Variants in CSMD1 observed in about 807,000 individuals in gnomAD.
The protein encoded by CSMD1 is CUB and sushi domain-containing protein 1.
Under a neutral mutation model 417.5 loss-of-function variants are expected in CSMD1, and 213 were observed. The observed-to-expected ratio is 0.51, with a 90% CI of 0.46 to 0.57. The LOEUF (loss-of-function observed/expected upper bound fraction) is 0.57. CSMD1 is among the 20% of genes least tolerant of loss of function. The pLI is 0.00. For missense variants in CSMD1, 6,923 were observed against 4,529.7 expected (o/e 1.53, Z -15.17); for synonymous variants, 2,862 against 1,736.8 (o/e 1.65, Z -16.11).
At chr8:3,973,415 G>C (rs528959997) in intron 5 of CSMD1, among the ~76,000 whole-genome samples, 1 of 152,272 alleles carries the variant, frequency 6.6e-6, no homozygotes, top group East Asian at 1.9e-4. Flanking sequence ...CACCCTACTA[G>C]TGAAGTTTAT....
At chr8:3,155,626 C>G (rs1225642470) in intron 39 of CSMD1, among the ~76,000 whole-genome samples, 1 of 151,698 alleles carries the variant, frequency 6.6e-6, no homozygotes, top group Non-Finnish European at 1.5e-5. Flanking sequence ...CTCAGCCTCC[C>G]AAAGTGCTGG....
intron 38 of CSMD1, among the ~76,000 whole-genome samples, chr8:3,160,596 C>T (rs1393953739): frequency 6.6e-6 from 1 of 152,140 alleles, no homozygotes; most frequent in African/African-American, 2.4e-5. Flanking sequence ...AATCTTTTTG[C>T]AGAGTTACAA....
intron 4 of CSMD1, among the ~76,000 whole-genome samples, chr8:4,014,594 C>A (rs1194106032): frequency 6.6e-6 from 1 of 152,158 alleles, no homozygotes; most frequent in Non-Finnish European, 1.5e-5. Context: ...TTTATCACTC[C>A]TGTGAGATTA....
At chr8:2,983,322 T>A (rs113676975) in intron 54 of CSMD1, among the ~76,000 whole-genome samples, 2 of 151,856 alleles carry the variant, frequency 1.3e-5, no homozygotes, top group Non-Finnish European at 2.9e-5. Context: ...GAGTAGCTGG[T>A]ACTACAGGCA....
intron 30 of CSMD1, among the ~76,000 whole-genome samples, chr8:3,212,255 C>T (rs1797654854): frequency 6.6e-6 from 1 of 152,126 alleles, no homozygotes; most frequent in Non-Finnish European, 1.5e-5. Context: ...AAAAGTCTCC[C>T]AAAGCAAGTA....
At chr8:4,498,770 G>A (rs751205696) in intron 2 of CSMD1, among the ~76,000 whole-genome samples, 4 of 152,108 alleles carry the variant, frequency 2.6e-5, no homozygotes, top group African/African-American at 9.7e-5. Context: ...TTTTATAGAA[G>A]AGGATGTTGG....
chr8:4,096,968 G>T (rs925171072), intron 3 of CSMD1, among the ~76,000 whole-genome samples: 36 of 152,156 alleles, frequency 2.4e-4, no homozygotes, highest in African/African-American at 6.5e-4. Flanking sequence ...GTGAGCCAGT[G>T]AGTAAATTCA....
In CSMD1 at chr8:4,871,458, A is replaced by G. The variant is rs141633726; in HGVS notation, c.85+122874T>C. On this transcript the variant is annotated intron_variant, in intron 1 of 69. Transcript: ENST00000635120. Reference sequence around the variant, plus strand: ...GCAATTCCCGCTGAGCCACATAAAGAAAGATGCGTGTGAATATAATCAAGT... The same window carrying G: ...GCAATTCCCGCTGAGCCACATAAAGGAAGATGCGTGTGAATATAATCAAGT... Among the ~76,000 whole-genome samples the G allele has an allele frequency of 2.3e-3, 349 of 152,228 alleles. 8 individuals are homozygous for G. The highest frequency in any genetic ancestry group is 8.2e-3 in the African/African-American group (340 of 41,494).
At chr8:4,081,960 C>T (rs1023554890) in intron 3 of CSMD1, among the ~76,000 whole-genome samples, 2 of 151,878 alleles carry the variant, frequency 1.3e-5, no homozygotes, top group Admixed American at 6.6e-5. Flanking sequence ...CATATAAACT[C>T]AATTATTTAA....
intron 3 of CSMD1, among the ~76,000 whole-genome samples, chr8:4,117,654 T>A (rs1443411266): frequency 6.6e-6 from 1 of 152,204 alleles, no homozygotes; most frequent in African/African-American, 2.4e-5. Flanking sequence ...CCCGCACTTC[T>A]GGGTGCCAAA....
chr8:4,732,573 G>C (rs1462684973), intron 1 of CSMD1, among the ~76,000 whole-genome samples: 1 of 152,094 alleles, frequency 6.6e-6, no homozygotes, highest in African/African-American at 2.4e-5. Context: ...AAAGCAACCT[G>C]TCAGAGAAGC....
chr8:3,521,580 C>A (rs1797510602), intron 10 of CSMD1, among the ~76,000 whole-genome samples: 1 of 152,144 alleles, frequency 6.6e-6, no homozygotes, highest in African/African-American at 2.4e-5. Flanking sequence ...TATTACTGAC[C>A]ATCATTGCTC....
At chr8:4,426,109 G>A (rs1425003901) in intron 2 of CSMD1, among the ~76,000 whole-genome samples, 10 of 150,946 alleles carry the variant, frequency 6.6e-5, no homozygotes, top group African/African-American at 1.9e-4. Context: ...AAATCTTATC[G>A]CCTATGGATG....
intron 26 of CSMD1, among the ~76,000 whole-genome samples, chr8:3,274,823 T>C (rs7820522): frequency 0.27 from 40,561 of 152,034 alleles, 5,613 homozygotes; most frequent in African/African-American, 0.33. Context: ...TATGTGTGTC[T>C]GTACCCGTGA....
At chr8:4,193,526 A>G (rs1433401100) in intron 3 of CSMD1, among the ~76,000 whole-genome samples, 1 of 152,100 alleles carries the variant, frequency 6.6e-6, no homozygotes, top group Non-Finnish European at 1.5e-5. Flanking sequence ...TTACCCAAGG[A>G]CTGGCTGAAG....
intron 3 of CSMD1, among the ~76,000 whole-genome samples, chr8:4,398,170 T>C (rs547403301): frequency 1.3e-5 from 2 of 152,268 alleles, no homozygotes; most frequent in East Asian, 3.9e-4. Context: ...ACAAGTTTCC[T>C]GACAACAGAA....
At chr8:4,348,103 T>A (rs1800878075) in intron 3 of CSMD1, among the ~76,000 whole-genome samples, 1 of 152,178 alleles carries the variant, frequency 6.6e-6, no homozygotes, top group Non-Finnish European at 1.5e-5. Context: ...AAGTGAATGC[T>A]TGGCTAACTA....
chr8:3,402,403 T>C (rs1383165542), intron 15 of CSMD1, among the ~76,000 whole-genome samples: 3 of 152,224 alleles, frequency 2.0e-5, no homozygotes, highest in Admixed American at 6.5e-5. Context: ...GGTGTTTTCA[T>C]GTATAGTCAT....
intron 23 of CSMD1, among the ~76,000 whole-genome samples, chr8:3,339,670 C>T (rs1807512377): frequency 6.6e-6 from 1 of 152,220 alleles, no homozygotes; most frequent in Admixed American, 6.5e-5. Flanking sequence ...ACTCTTACTT[C>T]TTGCCTGATA....
Sources: gnomAD v4.1 joint callset for allele counts (sites outside exome capture counted in the v4.1 genomes callset) on GRCh38, gnomAD v4.1.1 for gene constraint, MANE v1.5 for transcripts, NCBI Gene and HGNC (gene_info 2026-07-23, HGNC 2026-07-21) for gene names.